The following HTT-AS variants were observed in gnomAD, a reference collection of about 807,000 sequenced individuals.
HTT-AS encodes the protein HTT antisense RNA, also known as HTT antisense RNA (head to head).
chr4:3,069,178 C>G (rs1369766235), intron 1 of HTT-AS, among the ~76,000 whole-genome samples: 2 of 150,566 alleles, frequency 1.3e-5, no homozygotes, highest in African/African-American at 2.4e-5. Context: ...TGGAGTCTCA[C>G]TTTGTCACCC....
intron 1 of HTT-AS, among the ~76,000 whole-genome samples, chr4:3,064,510 A>G (rs1450789869): frequency 6.6e-6 from 1 of 152,248 alleles, no homozygotes; most frequent in African/African-American, 2.4e-5. Context: ...TCATGTAAAG[A>G]GAGAAAGATA....
At chr4:3,054,424 AC>A (rs1711768963) in intron 2 of HTT-AS, among the ~76,000 whole-genome samples, 1 of 152,168 alleles carries the variant, frequency 6.6e-6, no homozygotes, top group Non-Finnish European at 1.5e-5. Context: ...TGTAATTGAA[AC>A]TACTAAAAAA....
At chr4:3,065,394 C>G (rs544971357) in intron 1 of HTT-AS, among the ~76,000 whole-genome samples, 2 of 151,528 alleles carry the variant, frequency 1.3e-5, no homozygotes, top group East Asian at 3.9e-4. Context: ...GCGCGCACCA[C>G]CATGCCCGGC....
intron 2 of HTT-AS, among the ~76,000 whole-genome samples, chr4:3,060,884 G>A (rs1460619793): frequency 6.6e-6 from 1 of 152,104 alleles, no homozygotes; most frequent in African/African-American, 2.4e-5. Context: ...ATTATGCCTG[G>A]TCCAACCAAT....
At chr4:3,061,234 G>A (rs1375378556) in intron 2 of HTT-AS, among the ~76,000 whole-genome samples, 1 of 152,196 alleles carries the variant, frequency 6.6e-6, no homozygotes, top group African/African-American at 2.4e-5. Context: ...AGGGAGACAT[G>A]AGACGTCAAT....
intron 2 of HTT-AS, among the ~76,000 whole-genome samples, chr4:3,058,137 A>G (rs917334367): frequency 4.6e-5 from 7 of 151,586 alleles, no homozygotes; most frequent in African/African-American, 1.7e-4. Flanking sequence ...GACCAGCTTG[A>G]CCAACATGGA....
chr4:3,060,740 G>A lies in HTT-AS; in HGVS notation n.1380+1694C>T, dbSNP rs928203262. 3.3e-5 allele frequency among the ~76,000 whole-genome samples: 5 copies of A among 152,330 alleles called. No individual in the cohort carries two copies. The East Asian group carries it at 5.8e-4, about 18-fold the overall frequency. On this transcript the variant is annotated intron_variant and non_coding_transcript_variant, in intron 2 of 2. Transcript: ENST00000664062. ...TGGGGCCAGGCAGATCCAACATGGC[G>A]GCTCCATCTTCCCTTTCCTTGTCAA... is the stretch of plus-strand genomic sequence containing the variant.
At chr4:3,057,619 T>C (rs1711831796) in intron 2 of HTT-AS, among the ~76,000 whole-genome samples, 1 of 152,118 alleles carries the variant, frequency 6.6e-6, no homozygotes, top group African/African-American at 2.4e-5. Flanking sequence ...TGGCTATTTT[T>C]ATGGTTATTT....
intron 1 of HTT-AS, among the ~76,000 whole-genome samples, chr4:3,069,505 T>A (rs941250190): frequency 1.3e-5 from 2 of 152,028 alleles, no homozygotes; most frequent in Non-Finnish European, 2.9e-5. Flanking sequence ...AAATCAGACT[T>A]AACCAAAAAC....
At chr4:3,053,804 G>C (rs1339314202) in intron 2 of HTT-AS, among the ~76,000 whole-genome samples, 1 of 149,560 alleles carries the variant, frequency 6.7e-6, no homozygotes, top group Non-Finnish European at 1.5e-5. Context: ...TGTTGCCCAG[G>C]CTGGAGTCCA....
chr4:3,070,639 T>C (rs1001184535), intron 1 of HTT-AS, among the ~76,000 whole-genome samples: 1 of 152,170 alleles, frequency 6.6e-6, no homozygotes, highest in Non-Finnish European at 1.5e-5. Flanking sequence ...TGGGGGACGT[T>C]ATCAGGCTCT....
chr4:3,073,780 G>C lies in HTT-AS; in HGVS notation n.113+646C>G, dbSNP rs527277424. On this transcript the variant is annotated intron_variant and non_coding_transcript_variant, in intron 1 of 2. Coordinates refer to ENST00000664062, the Ensembl canonical transcript of HTT-AS. Reference sequence around the variant, plus strand: ...GTCGTGCCGACCACGCGCATTCTCTGCGCTCTGCGCAGGAGCTCGCCCACC... The same window carrying C: ...GTCGTGCCGACCACGCGCATTCTCTCCGCTCTGCGCAGGAGCTCGCCCACC... Among the ~76,000 whole-genome samples the C allele has an allele frequency of 2.1e-3, 326 of 152,364 alleles. 1 individual carries two copies. Among genetic ancestry groups the C allele is most frequent in the African/African-American group, 7.3e-3 (303 of 41,586 alleles).
exon 2 of HTT-AS, among the ~76,000 whole-genome samples, chr4:3,062,554 G>C (rs1348388284): frequency 2.0e-5 from 3 of 151,982 alleles, no homozygotes; most frequent in African/African-American, 7.2e-5. Context: ...CAGTGAGAAA[G>C]GTCTCCCTTC....
intron 1 of HTT-AS, among the ~76,000 whole-genome samples, chr4:3,066,725 G>C (rs533818890): frequency 6.6e-6 from 1 of 152,296 alleles, no homozygotes; most frequent in Admixed American, 6.5e-5. Flanking sequence ...AGTGTCCCAG[G>C]AGCCTGGCAT....
intron 2 of HTT-AS, among the ~76,000 whole-genome samples, chr4:3,053,270 C>G (rs770318063): frequency 6.6e-6 from 1 of 152,214 alleles, no homozygotes; most frequent in Non-Finnish European, 1.5e-5. Context: ...CATTGGCTCA[C>G]GCCTATAATC....
At chr4:3,059,917 G>GTTTTTTTTTTTTTTT (rs34372712) in intron 2 of HTT-AS, among the ~76,000 whole-genome samples, 1 of 136,240 alleles carries the variant, frequency 7.3e-6, no homozygotes. Flanking sequence ...TTGTCCCTGT[G>GTTTTTTTTTTTTTTT]TTTTTTGTTT....
intron 1 of HTT-AS, among the ~76,000 whole-genome samples, chr4:3,072,132 C>T (rs1414171884): frequency 6.6e-6 from 1 of 152,224 alleles, no homozygotes; most frequent in Admixed American, 6.5e-5. Context: ...TTAACCAGCT[C>T]CACTTCTCGC....
intron 1 of HTT-AS, among the ~76,000 whole-genome samples, chr4:3,069,554 C>T (rs1034031731): frequency 1.3e-5 from 2 of 152,044 alleles, no homozygotes; most frequent in Non-Finnish European, 2.9e-5. Flanking sequence ...AAAGACTGAC[C>T]TCACGTATAT....
intron 1 of HTT-AS, among the ~76,000 whole-genome samples, chr4:3,073,358 G>A (rs1712241781): frequency 2.0e-5 from 3 of 152,212 alleles, no homozygotes; most frequent in Non-Finnish European, 2.9e-5. Context: ...CACCCAAAAG[G>A]CAGGAGGCTC....
Sources: gnomAD v4.1 joint callset for allele counts (sites outside exome capture counted in the v4.1 genomes callset) on GRCh38, gnomAD v4.1.1 for gene constraint, MANE v1.5 for transcripts, NCBI Gene and HGNC (gene_info 2026-07-23, HGNC 2026-07-21) for gene names.